Variants in PTPRD observed in about 807,000 individuals in gnomAD.
PTPRD encodes protein tyrosine phosphatase receptor type D.
In PTPRD, 34 loss-of-function variants were observed where a neutral mutation model predicts 214.5. The observed-to-expected ratio is 0.16, with a 90% CI of 0.12 to 0.21. PTPRD has a LOEUF of 0.21. PTPRD is among the 10% of genes least tolerant of loss of function. The pLI is 1.00. For missense variants in PTPRD, 2,545 were observed against 2,398.7 expected, an observed-to-expected ratio of 1.06 and a Z score of -1.27; for synonymous variants, 1,128 against 845.7, an observed-to-expected ratio of 1.33 and a Z score of -5.79.
chr9:9,685,920 T>C (rs2097158996), intron 7 of PTPRD, among the ~76,000 whole-genome samples: 1 of 151,426 alleles, frequency 6.6e-6, no homozygotes, highest in Non-Finnish European at 1.5e-5. Flanking sequence ...TTAGCTGAAA[T>C]GATAAAAATA....
intron 2 of PTPRD, among the ~76,000 whole-genome samples, chr9:10,349,102 C>T (rs118051097): frequency 6.6e-6 from 1 of 151,906 alleles, no homozygotes; most frequent in Admixed American, 6.6e-5. Context: ...TATAAAAATT[C>T]AGACTCACTG....
At chr9:8,462,823 C>CT (rs1251679447) in intron 32 of PTPRD, among the ~76,000 whole-genome samples, 3 of 151,958 alleles carry the variant, frequency 2.0e-5, no homozygotes, top group African/African-American at 7.2e-5. Flanking sequence ...ACTCACCAAA[C>CT]TGTATTTTGG....
At chr9:8,449,896 A>G in intron 33 of PTPRD, 59 bp from the exon 34 acceptor site, 2 of 1,552,794 alleles carry the variant, frequency 1.3e-6, no homozygotes, top group South Asian at 1.1e-5. Context: ...ACAGATAGAA[A>G]AGCAGAGAAT....
intron 9 of PTPRD, among the ~76,000 whole-genome samples, chr9:9,200,228 T>G (rs1439936481): frequency 6.6e-6 from 1 of 152,170 alleles, no homozygotes; most frequent in Admixed American, 6.5e-5. Flanking sequence ...ATCAGAAAAT[T>G]TGAGCAAAAA....
intron 9 of PTPRD, among the ~76,000 whole-genome samples, chr9:9,189,370 G>T (rs1027861567): frequency 8.5e-5 from 13 of 152,056 alleles, no homozygotes; most frequent in African/African-American, 3.1e-4. Context: ...AGATATAGAA[G>T]AATCTAGGCC....
chr9:10,391,393 C>G (rs10809083), intron 2 of PTPRD, among the ~76,000 whole-genome samples: 129,454 of 151,614 alleles, frequency 0.85, 55,273 homozygotes, highest in East Asian at 0.89. Flanking sequence ...CCGTTACATT[C>G]TTTATGCTCA....
chr9:9,333,139 A>G (rs1023587777), intron 9 of PTPRD, among the ~76,000 whole-genome samples: 3 of 151,944 alleles, frequency 2.0e-5, no homozygotes, highest in Admixed American at 2.0e-4. Flanking sequence ...ATACCTGGGA[A>G]GGCAAGATTA....
intron 8 of PTPRD, among the ~76,000 whole-genome samples, chr9:9,474,786 T>C (rs1042228284): frequency 6.6e-6 from 1 of 152,148 alleles, no homozygotes; most frequent in African/African-American, 2.4e-5. Flanking sequence ...TAATTTTGTA[T>C]CTTGCAACTT....
At chr9:8,442,773 A>G (rs1442250748) in intron 34 of PTPRD, among the ~76,000 whole-genome samples, 2 of 152,216 alleles carry the variant, frequency 1.3e-5, no homozygotes, top group African/African-American at 4.8e-5. Flanking sequence ...ATTAAAGATA[A>G]AGAGAATATT....
At chr9:10,364,004 T>TTTTTG (rs2097456539) in intron 2 of PTPRD, among the ~76,000 whole-genome samples, 1 of 130,074 alleles carries the variant, frequency 7.7e-6, no homozygotes, top group African/African-American at 3.1e-5. Flanking sequence ...TTTTTTTTTT[T>TTTTTG]TTTTTTTTTT....
chr9:10,505,687 TA>T (rs35344275), intron 2 of PTPRD, among the ~76,000 whole-genome samples: 44,484 of 145,690 alleles, frequency 0.31, 6,559 homozygotes, highest in South Asian at 0.44. Flanking sequence ...AACAAAAAGT[TA>T]AAAAAAAAAA....
chr9:8,778,712 C>T (rs551982063), intron 11 of PTPRD, among the ~76,000 whole-genome samples: 3 of 152,128 alleles, frequency 2.0e-5, no homozygotes, highest in Non-Finnish European at 2.9e-5. Flanking sequence ...ATCAGTAATA[C>T]TGAAACTAGG....
chr9:9,886,167 C>T (rs548141442), intron 5 of PTPRD, among the ~76,000 whole-genome samples: 6 of 152,060 alleles, frequency 3.9e-5, no homozygotes, highest in African/African-American at 1.4e-4. Flanking sequence ...CATCAGAGGA[C>T]AACTCCAGAG....
rs182915808 is a variant in PTPRD at position 9,116,562 on chromosome 9, C to T, written c.-143+66742G>A. ...GGTACACTAAAAGCCCAGACTTCACCACTATACAATTCATCCATGTAACCC... is the reference window on the plus strand; with the variant it reads ...GGTACACTAAAAGCCCAGACTTCACTACTATACAATTCATCCATGTAACCC... On this transcript the variant is annotated intron_variant, in intron 10 of 45. Transcript: ENST00000381196. Among the ~76,000 whole-genome samples, 5 of 152,182 alleles carry T rather than the reference C, an allele frequency of 3.3e-5. No homozygotes were observed. In the East Asian group the frequency reaches 9.7e-4, roughly 29 times the overall value.
At chr9:9,516,174 T>C (rs892283086) in intron 8 of PTPRD, among the ~76,000 whole-genome samples, 1 of 152,068 alleles carries the variant, frequency 6.6e-6, no homozygotes, top group African/African-American at 2.4e-5. Context: ...ATTTTGTTTA[T>C]ACCAAAGGAA....
chr9:9,800,310 G>A (rs1192686833), intron 5 of PTPRD, among the ~76,000 whole-genome samples: 1 of 152,030 alleles, frequency 6.6e-6, no homozygotes, highest in Non-Finnish European at 1.5e-5. Flanking sequence ...GCTCCATCCT[G>A]GGGACAGAGC....
chr9:9,930,744 CT>C (rs2086210187), intron 5 of PTPRD, among the ~76,000 whole-genome samples: 1 of 151,888 alleles, frequency 6.6e-6, no homozygotes. Context: ...ATTATTTATA[CT>C]TTTCCACAAA....
intron 4 of PTPRD, among the ~76,000 whole-genome samples, chr9:9,984,932 A>G (rs920157550): frequency 6.6e-6 from 1 of 152,174 alleles, no homozygotes; most frequent in South Asian, 2.1e-4. Context: ...TCTTCCTGCA[A>G]TGTGCCCTAC....
At chr9:8,542,534 C>A (rs1194185778) in intron 14 of PTPRD, among the ~76,000 whole-genome samples, 1 of 152,138 alleles carries the variant, frequency 6.6e-6, no homozygotes, top group Non-Finnish European at 1.5e-5. Flanking sequence ...TGATTGTTTG[C>A]ATATGTTTTC....
Sources: gnomAD v4.1 joint callset for allele counts (sites outside exome capture counted in the v4.1 genomes callset) on GRCh38, gnomAD v4.1.1 for gene constraint, MANE v1.5 for transcripts, NCBI Gene and HGNC (gene_info 2026-07-23, HGNC 2026-07-21) for gene names.